Variants in PDGFD observed in about 807,000 individuals in gnomAD.
PDGFD encodes platelet derived growth factor D.
Under a neutral mutation model 44.7 loss-of-function variants are expected in PDGFD, and 30 were observed. That is an observed-to-expected ratio of 0.67 (90% CI 0.50 to 0.91). The LOEUF (loss-of-function observed/expected upper bound fraction) is 0.91. Among genes scored for constraint, PDGFD ranks in the 40% least tolerant of loss-of-function variants. PDGFD has a pLI of 0.00. For synonymous variants in PDGFD, 173 were observed against 168.4 expected (o/e 1.03, Z -0.21); for missense variants, 445 against 457.8 (o/e 0.97, Z 0.25).
At chr11:103,958,644 T>G (rs1411717435) in intron 3 of PDGFD, among the ~76,000 whole-genome samples, 1 of 152,166 alleles carries the variant, frequency 6.6e-6, no homozygotes, top group Non-Finnish European at 1.5e-5. Context: ...GTTTTTATTA[T>G]TGTGGTTAAG....
At chr11:104,120,583 C>T (rs1273565935) in intron 1 of PDGFD, among the ~76,000 whole-genome samples, 2 of 151,898 alleles carry the variant, frequency 1.3e-5, no homozygotes, top group Non-Finnish European at 2.9e-5. Flanking sequence ...AAACTATCTG[C>T]AAAGATCATT....
At chr11:103,978,484 A>C (rs536453592) in intron 3 of PDGFD, among the ~76,000 whole-genome samples, 1 of 152,130 alleles carries the variant, frequency 6.6e-6, no homozygotes, top group South Asian at 2.1e-4. Context: ...ATGGGACTTA[A>C]ATATGTTTAT....
At chr11:104,093,201 A>T (rs1245874635) in intron 1 of PDGFD, among the ~76,000 whole-genome samples, 1 of 152,078 alleles carries the variant, frequency 6.6e-6, no homozygotes, top group East Asian at 1.9e-4. Flanking sequence ...TGGTTTCAAG[A>T]TGAAAAGTTA....
chr11:104,143,573 A>G (rs1163733853), intron 1 of PDGFD, among the ~76,000 whole-genome samples: 1 of 152,198 alleles, frequency 6.6e-6, no homozygotes, highest in Admixed American at 6.5e-5. Flanking sequence ...GTTCTGGGAT[A>G]GAAGCACCAC....
In PDGFD at chr11:103,909,676, A is replaced by G. The variant is rs2134296463; in HGVS notation, c.*18T>C. 1 of 1,613,788 alleles carries G rather than the reference A, an allele frequency of 6.2e-7. No homozygotes were observed. Among genetic ancestry groups the G allele is most frequent in the Non-Finnish European group, 8.5e-7 (1 of 1,179,712 alleles). Reference sequence around the variant, plus strand: ...CTAAAGGTTCTTTCAGGCTTAATGTAAGGATGTGCACATTCTCTTATCGAG... The same window carrying G: ...CTAAAGGTTCTTTCAGGCTTAATGTGAGGATGTGCACATTCTCTTATCGAG... On this transcript the variant is annotated 3_prime_UTR_variant, in exon 7 of 7. Coordinates refer to ENST00000393158, the MANE Select transcript of PDGFD (RefSeq NM_025208.5).
chr11:104,075,191 T>G (rs1412856446), intron 1 of PDGFD, among the ~76,000 whole-genome samples: 1 of 152,186 alleles, frequency 6.6e-6, no homozygotes, highest in Non-Finnish European at 1.5e-5. Flanking sequence ...TAATTTGCTC[T>G]CTTAAAAGAG....
rs116506734 is a variant in PDGFD, at chr11:103,970,475, G to A, written c.511-22751C>T. On this transcript the variant is annotated intron_variant, in intron 3 of 6. Coordinates refer to ENST00000393158, the MANE Select transcript of PDGFD (RefSeq NM_025208.5). ...GAGTGCTACAGCCTAGGAATCAATC[G>A]TGGATCTGTCCAGTGCATTGATAAG... Among the ~76,000 whole-genome samples, 492 of 152,198 alleles carry A rather than the reference G, an allele frequency of 3.2e-3. 1 individual carries two copies. Among genetic ancestry groups the A allele is most frequent in the African/African-American group, 0.011 (451 of 41,548 alleles).
intron 3 of PDGFD, 92 bp from the exon 4 acceptor site, chr11:103,947,816 T>A: frequency 1.1e-6 from 1 of 950,428 alleles, no homozygotes; most frequent in Non-Finnish European, 1.7e-6. Flanking sequence ...TGAATCTTTT[T>A]CCAACTAAGT....
At chr11:103,968,619 T>C (rs909269843) in intron 3 of PDGFD, among the ~76,000 whole-genome samples, 2 of 152,216 alleles carry the variant, frequency 1.3e-5, no homozygotes, top group African/African-American at 4.8e-5. Context: ...TATGCTTCAA[T>C]TCAAGGGTTC....
rs1555045574 is a variant in PDGFD, at chr11:104,033,051, T to TGG, written c.125-32797_125-32796insCC. On this transcript the variant is annotated intron_variant, in intron 1 of 6. Transcript: ENST00000393158. ...TATAACAACAGTTTATGTTTAGGGG[T>TGG]GTGTGTGTGTGTGTGTGTGTGTGTA... Among the ~76,000 whole-genome samples, 1,186 of 130,502 alleles carry TGG rather than the reference T, an allele frequency of 9.1e-3. 17 individuals carry two copies. Among genetic ancestry groups the TGG allele is most frequent in the African/African-American group, 0.044 (1,116 of 25,508 alleles). The allele number at this position is 130,502 out of a possible 152,430, so 85.6% of individuals were successfully genotyped here.
chr11:104,014,028 T>A (rs1859823774), intron 1 of PDGFD, among the ~76,000 whole-genome samples: 1 of 152,190 alleles, frequency 6.6e-6, no homozygotes, highest in African/African-American at 2.4e-5. Context: ...AGTATTCATC[T>A]TAAGAAGGAT....
intron 1 of PDGFD, among the ~76,000 whole-genome samples, chr11:104,036,386 G>A (rs777692029): frequency 1.2e-4 from 19 of 152,168 alleles, no homozygotes; most frequent in Non-Finnish European, 1.9e-4. Flanking sequence ...CGAGGCTACA[G>A]TGAGCTGTGA....
At chr11:104,160,190 A>G (rs1862369854) in intron 1 of PDGFD, among the ~76,000 whole-genome samples, 1 of 152,220 alleles carries the variant, frequency 6.6e-6, no homozygotes, top group Non-Finnish European at 1.5e-5. Context: ...AAGGCAGCAC[A>G]ATTACTAGAA....
intron 1 of PDGFD, among the ~76,000 whole-genome samples, chr11:104,108,665 T>C (rs1861503599): frequency 6.6e-6 from 1 of 152,146 alleles, no homozygotes. Flanking sequence ...GATCTAGAAC[T>C]AGAAATACCA....
intron 2 of PDGFD, among the ~76,000 whole-genome samples, chr11:103,998,111 T>C (rs1161495452): frequency 6.6e-6 from 1 of 152,108 alleles, no homozygotes; most frequent in East Asian, 1.9e-4. Flanking sequence ...TAATAAGAAA[T>C]ATATATATTT....
At chr11:103,946,649 T>G (rs936816171) in intron 4 of PDGFD, 1 of 152,252 alleles carries the variant, frequency 6.6e-6, no homozygotes, top group African/African-American at 2.4e-5. Context: ...CATATCTGCC[T>G]TGTGTTGACT....
intron 1 of PDGFD, among the ~76,000 whole-genome samples, chr11:104,045,496 C>T (rs1043617813): frequency 2.0e-5 from 3 of 151,804 alleles, no homozygotes; most frequent in Admixed American, 2.0e-4. Context: ...AAAGTGAGTA[C>T]AAACTGACAT....
chr11:104,115,565 G>T (rs1364838314), intron 1 of PDGFD, among the ~76,000 whole-genome samples: 1 of 151,594 alleles, frequency 6.6e-6, no homozygotes, highest in Non-Finnish European at 1.5e-5. Context: ...TAGTGGGATT[G>T]CTGGATCAAA....
intron 1 of PDGFD, among the ~76,000 whole-genome samples, chr11:104,085,573 G>A (rs1293617252): frequency 1.3e-5 from 2 of 152,076 alleles, no homozygotes; most frequent in Non-Finnish European, 2.9e-5. Context: ...ACAAAGGCAT[G>A]TATTTACTTA....
Sources: gnomAD v4.1 joint callset for allele counts (sites outside exome capture counted in the v4.1 genomes callset) on GRCh38, gnomAD v4.1.1 for gene constraint, MANE v1.5 for transcripts, NCBI Gene and HGNC (gene_info 2026-07-23, HGNC 2026-07-21) for gene names.